POLN: variants seen among roughly 807,000 people sequenced by gnomAD.
POLN encodes the protein DNA polymerase nu.
A neutral mutation model predicts 113.5 loss-of-function variants in POLN; 108 were observed. The ratio of observed to expected loss-of-function variants is 0.95; its 90% confidence interval spans 0.81 to 1.12. The LOEUF (loss-of-function observed/expected upper bound fraction) is 1.12, where lower values mean the gene tolerates loss of function less well. POLN is among the 50% of genes most tolerant of loss of function. The pLI, the probability that POLN is intolerant of heterozygous loss-of-function variation, is 0.00. For synonymous variants in POLN, 386 were observed against 391.5 expected, an observed-to-expected ratio of 0.99 and a Z score of 0.17; for missense variants, 1,097 against 1,077.1, an observed-to-expected ratio of 1.02 and a Z score of -0.26.
chr4:2,116,815 T>C (rs1731327969), intron 19 of POLN, among the ~76,000 whole-genome samples: 1 of 152,342 alleles, frequency 6.6e-6, no homozygotes, highest in East Asian at 1.9e-4. Context: ...ACTTCTCAAA[T>C]GGCCTCTGAA....
At chr4:2,195,894 C>T (rs891262553) in intron 6 of POLN, among the ~76,000 whole-genome samples, 16 of 152,044 alleles carry the variant, frequency 1.1e-4, no homozygotes, top group African/African-American at 3.4e-4. Flanking sequence ...TCTTACTAGC[C>T]GGAATTAAAT....
rs777556691 is a variant in POLN, at chr4:2,208,289, G to A, written c.412C>T (p.His138Tyr). ...VLQKKGHKRKHFLMENINNEN... is the reference protein window; with the variant it reads ...VLQKKGHKRKYFLMENINNEN... Reference sequence around the variant, plus strand: ...TTATTTATATTCTCCATTAGGAAATGCTTTCTTTTATGCCCCTTTTTCTGT... The same window carrying A: ...TTATTTATATTCTCCATTAGGAAATACTTTCTTTTATGCCCCTTTTTCTGT... The change falls in exon 5 of 26, where the codon CAT becomes TAT. Residue 138 changes from histidine (H) to tyrosine (Y), a missense_variant. His to Tyr is a moderately conservative substitution (Grantham distance 83, BLOSUM62 2). Coordinates refer to ENST00000511885, the MANE Select transcript of POLN (RefSeq NM_181808.4). The A allele has an allele frequency of 4.0e-5, 64 of 1,596,196 alleles. No individual in the cohort carries two copies. The Admixed American group carries it at 9.9e-4, about 25-fold the overall frequency.
At chr4:2,077,338 CTG>C (rs1383034399) in intron 23 of POLN, among the ~76,000 whole-genome samples, 1 of 152,218 alleles carries the variant, frequency 6.6e-6, no homozygotes, top group African/African-American at 2.4e-5. Context: ...TAGCTTGGGC[CTG>C]TGTTCCTGAC....
intron 21 of POLN, among the ~76,000 whole-genome samples, chr4:2,083,940 G>A (rs543853269): frequency 6.6e-6 from 1 of 152,352 alleles, no homozygotes; most frequent in East Asian, 1.9e-4. Flanking sequence ...CCTCTCCCAG[G>A]ACCTTGGGAC....
intron 11 of POLN, 27 bp from the exon 12 acceptor site, chr4:2,171,208 T>G (rs1732852216): frequency 1.3e-6 from 2 of 1,567,514 alleles, no homozygotes; most frequent in South Asian, 2.3e-5. Flanking sequence ...CACAATTAAT[T>G]TCATTCATAG....
At chr4:2,082,161 G>T (rs533939975) in intron 21 of POLN, among the ~76,000 whole-genome samples, 130 of 152,084 alleles carry the variant, frequency 8.5e-4, no homozygotes, top group Admixed American at 1.3e-3. Flanking sequence ...CCACCAAGTT[G>T]GCCAGGCTGG....
In POLN at chr4:2,131,858, T is replaced by A. The variant is rs144237198; in HGVS notation, c.1732-568A>T. ...CTTGGGCAATGTGCAATAGTTCACATGCTTCTAGCCCGTTTCAACTATTCA... is the reference window on the plus strand; with the variant it reads ...CTTGGGCAATGTGCAATAGTTCACAAGCTTCTAGCCCGTTTCAACTATTCA... On this transcript the variant is annotated intron_variant, in intron 16 of 25. Coordinates refer to ENST00000511885, the MANE Select transcript of POLN (RefSeq NM_181808.4). 3.2e-3 allele frequency among the ~76,000 whole-genome samples: 490 copies of A among 152,344 alleles called. 4 individuals carry two copies. The highest frequency in any genetic ancestry group is 0.011 in the African/African-American group (454 of 41,578).
chr4:2,122,865 C>T (rs1270658520), intron 19 of POLN, among the ~76,000 whole-genome samples: 1 of 152,102 alleles, frequency 6.6e-6, no homozygotes, highest in African/African-American at 2.4e-5. Context: ...CAAAAACTTG[C>T]ACACAGACCA....
chr4:2,104,936 G>T (rs1454637204), intron 19 of POLN, among the ~76,000 whole-genome samples: 1 of 152,182 alleles, frequency 6.6e-6, no homozygotes, highest in Non-Finnish European at 1.5e-5. Flanking sequence ...CCCTTCAGAA[G>T]CGTGCACAGG....
At chr4:2,239,999 T>G (rs2108780811) in intron 2 of POLN, 1 of 1,493,576 alleles carries the variant, frequency 6.7e-7, no homozygotes, top group East Asian at 2.3e-5. Context: ...TTCCTAACAA[T>G]AATTACAATG....
At chr4:2,212,923 C>T (rs1468335318) in intron 4 of POLN, 124 bp downstream of exon 4, 11 of 526,280 alleles carry the variant, frequency 2.1e-5, no homozygotes, top group East Asian at 3.4e-5. Flanking sequence ...AGAGCAAGAA[C>T]GCCTCTTTTT....
intron 16 of POLN, among the ~76,000 whole-genome samples, chr4:2,150,796 G>C (rs552751110): frequency 6.6e-6 from 1 of 152,256 alleles, no homozygotes; most frequent in Admixed American, 6.5e-5. Flanking sequence ...TTGTAAGAAA[G>C]ATGATGTTAA....
intron 4 of POLN, among the ~76,000 whole-genome samples, chr4:2,211,560 G>A (rs1239115495): frequency 6.6e-6 from 1 of 152,040 alleles, no homozygotes; most frequent in African/African-American, 2.4e-5. Flanking sequence ...AGGATCGCTT[G>A]AGCCCAGGAG....
chr4:2,090,542 C>G (rs1730641682), intron 20 of POLN: 1 of 482,588 alleles, frequency 2.1e-6, no homozygotes, highest in African/African-American at 2.0e-5. Context: ...TCATCCTCTA[C>G]AGACTGGCCA....
intron 12 of POLN, 55 bp from the exon 13 acceptor site, chr4:2,170,829 A>G: frequency 6.7e-7 from 1 of 1,485,592 alleles, no homozygotes; most frequent in Non-Finnish European, 9.4e-7. Context: ...AGAGAAACAG[A>G]ACATTACTAT....
At chr4:2,104,125 G>A (rs1409430761) in intron 19 of POLN, among the ~76,000 whole-genome samples, 1 of 152,150 alleles carries the variant, frequency 6.6e-6, no homozygotes, top group Non-Finnish European at 1.5e-5. Context: ...GACAAACAGA[G>A]AAAATGAAAG....
In POLN at chr4:2,128,113, CA is replaced by C. The variant is rs1413836152; in HGVS notation, c.1981del (p.Trp661GlyfsTer9). 1 of 1,565,304 alleles carries C rather than the reference CA, an allele frequency of 6.4e-7. No individual in the cohort carries two copies. The highest frequency in any genetic ancestry group is 2.2e-5 in the East Asian group (1 of 44,650). The part of the protein sequence containing the change: ...DDVFSTLTSQ[W>X]KDVPVEQVTH... ...AATATTGTGAGTTCATATATCTTAC[CA>C]CTGTGAAGTCAGAGTAGAAAATACA... is the stretch of plus-strand genomic sequence containing the variant. On this transcript the variant is annotated frameshift_variant and splice_region_variant, in exon 19 of 26. Transcript: ENST00000511885. LOFTEE classifies it high-confidence loss of function.
intron 3 of POLN, among the ~76,000 whole-genome samples, chr4:2,222,960 A>G (rs754795998): frequency 6.6e-6 from 1 of 152,122 alleles, no homozygotes; most frequent in Non-Finnish European, 1.5e-5. Context: ...TCACATGTCT[A>G]CTTTCTCAGA....
intron 1 of POLN, 68 bp downstream of exon 1, chr4:2,241,983 G>A: frequency 2.0e-6 from 2 of 985,578 alleles, no homozygotes; most frequent in African/African-American, 1.7e-5. Flanking sequence ...CCTGGGTGCA[G>A]ACGGGGATCG....
Sources: gnomAD v4.1 joint callset for allele counts (sites outside exome capture counted in the v4.1 genomes callset) on GRCh38, gnomAD v4.1.1 for gene constraint, MANE v1.5 for transcripts, NCBI Gene and HGNC (gene_info 2026-07-23, HGNC 2026-07-21) for gene names.